GLYATL1: variants seen among roughly 807,000 people sequenced by gnomAD.
GLYATL1 encodes the protein glycine N-acyltransferase-like protein 1.
GLYATL1 carries 15 observed loss-of-function variants against 20.0 expected under a neutral mutation model. The ratio of observed to expected loss-of-function variants is 0.75; its 90% CI spans 0.50 to 1.15. The LOEUF (loss-of-function observed/expected upper bound fraction) is 1.15, where lower values mean the gene tolerates loss of function less well. Among genes scored for constraint, GLYATL1 ranks in the 50% most tolerant of loss-of-function variants. The pLI is 0.00. For synonymous variants in GLYATL1, 151 were observed against 131.5 expected, an observed-to-expected ratio of 1.15 and a Z score of -1.01; for missense variants, 380 against 368.5, an observed-to-expected ratio of 1.03 and a Z score of -0.26.
At chr11:58,907,348 G>T (rs1372069168) in exon 2 of GLYATL1, 2 of 456,112 alleles carry the variant, frequency 4.4e-6, no homozygotes, top group Admixed American at 2.3e-5. Flanking sequence ...CCTTCCTTGC[G>T]ACACTGGCCT....
chr11:58,943,178 C>G, intron 1 of GLYATL1: 1 of 1,264,238 alleles, frequency 7.9e-7, no homozygotes, highest in Non-Finnish European at 1.0e-6. Flanking sequence ...TGTGGGTAAA[C>G]TGTAACGTAG....
At chr11:58,929,995 C>T (rs915222470) in intron 1 of GLYATL1, among the ~76,000 whole-genome samples, 1 of 152,148 alleles carries the variant, frequency 6.6e-6, no homozygotes, top group African/African-American at 2.4e-5. Flanking sequence ...GTCTTGGAAG[C>T]CATTTTGAAT....
intron 1 of GLYATL1, among the ~76,000 whole-genome samples, chr11:58,921,508 T>A (rs1351148726): frequency 6.6e-6 from 1 of 152,176 alleles, no homozygotes; most frequent in East Asian, 1.9e-4. Context: ...CCAGTGGTTT[T>A]TTCATACCGT....
chr11:58,954,654 A>G (rs919792601), intron 4 of GLYATL1, 116 bp from the exon 5 acceptor site: 5 of 891,740 alleles, frequency 5.6e-6, no homozygotes, highest in Middle Eastern at 2.3e-4. Context: ...AACTGCAGCC[A>G]TCATGGGCCA....
intron 2 of GLYATL1, among the ~76,000 whole-genome samples, chr11:58,946,493 T>C (rs1257060033): frequency 6.6e-5 from 10 of 152,238 alleles, no homozygotes; most frequent in Non-Finnish European, 1.3e-4. Context: ...AACAAAAGTT[T>C]ACAGATATGT....
downstream of GLYATL1, among the ~76,000 whole-genome samples, chr11:58,912,918 A>T (rs1438529304): frequency 1.3e-5 from 2 of 152,242 alleles, no homozygotes; most frequent in Non-Finnish European, 2.9e-5. Context: ...ATACAAAGGT[A>T]AGAGAAAGTG....
intron 1 of GLYATL1, among the ~76,000 whole-genome samples, chr11:58,932,266 T>C (rs1465631500): frequency 6.6e-6 from 1 of 152,100 alleles, no homozygotes; most frequent in Non-Finnish European, 1.5e-5. Context: ...CATTAAAATA[T>C]GGATAATACC....
chr11:58,940,954 G>C (rs1188179946), intron 1 of GLYATL1, among the ~76,000 whole-genome samples: 2 of 152,128 alleles, frequency 1.3e-5, no homozygotes, highest in Non-Finnish European at 2.9e-5. Context: ...GTGAAAGAGC[G>C]AGACCCTGTC....
intron 4 of GLYATL1, among the ~76,000 whole-genome samples, chr11:58,952,486 A>G (rs545650854): frequency 3.5e-4 from 54 of 152,260 alleles, no homozygotes; most frequent in Non-Finnish European, 6.5e-4. Context: ...TACTATTAAA[A>G]TCATGTGTTT....
chr11:58,937,959 G>A (rs901216306), upstream of GLYATL1, among the ~76,000 whole-genome samples: 2 of 152,210 alleles, frequency 1.3e-5, no homozygotes, highest in African/African-American at 4.8e-5. Context: ...ATGAGCAAGA[G>A]TTTCAGGGCC....
upstream of GLYATL1, chr11:58,927,500 T>A (rs1323746483): frequency 1.3e-5 from 2 of 152,290 alleles, no homozygotes; most frequent in Non-Finnish European, 2.9e-5. Flanking sequence ...TGGCTGTTCC[T>A]GGCCAGGGTG....
intron 1 of GLYATL1, among the ~76,000 whole-genome samples, chr11:58,920,214 T>C (rs1855275730): frequency 6.6e-6 from 1 of 152,128 alleles, no homozygotes; most frequent in African/African-American, 2.4e-5. Context: ...CCATACAGTG[T>C]CTAAGAGCTG....
At chr11:58,941,856 A>T (rs1427613978) in intron 1 of GLYATL1, among the ~76,000 whole-genome samples, 1 of 152,206 alleles carries the variant, frequency 6.6e-6, no homozygotes, top group Non-Finnish European at 1.5e-5. Flanking sequence ...TTGCTGCAGG[A>T]GTTGCACAAA....
chr11:58,913,662 T>G (rs1449731984), intron 1 of GLYATL1, among the ~76,000 whole-genome samples: 1 of 152,200 alleles, frequency 6.6e-6, no homozygotes, highest in African/African-American at 2.4e-5. Flanking sequence ...TGTGTGTGTG[T>G]GCATGCACAT....
chr11:58,918,868 C>G (rs1047515969), intron 1 of GLYATL1, among the ~76,000 whole-genome samples: 2 of 152,164 alleles, frequency 1.3e-5, no homozygotes, highest in Non-Finnish European at 2.9e-5. Context: ...TTGTGGTCCT[C>G]AGTGACATCT....
In GLYATL1 at chr11:58,955,842, G is replaced by A; in HGVS notation, c.724G>A (p.Gly242Ser). 6.2e-7 allele frequency: 1 copy of A among 1,614,190 alleles called. No homozygotes were observed. Among genetic ancestry groups the A allele is most frequent in the Non-Finnish European group, 8.5e-7 (1 of 1,180,038 alleles). ...AYSMEKYRRT[G>S]NMARVMVRYM... ...CAGCATGGAAAAATACCGAAGGACA[G>A]GCAACATGGCACGAGTGATGGTGCG... The change falls in exon 7 of 7, where the codon GGC becomes AGC. Residue 242 changes from glycine (G) to serine (S), a missense_variant. Gly to Ser is a moderately conservative substitution (Grantham distance 56). Coordinates refer to ENST00000532726, the MANE Select transcript of GLYATL1 (RefSeq NM_001389712.2).
intron 1 of GLYATL1, chr11:58,942,709 T>C (rs1056666476): frequency 1.3e-5 from 2 of 152,180 alleles, no homozygotes; most frequent in Non-Finnish European, 2.9e-5. Flanking sequence ...GCCTTGAGTT[T>C]GGAAAAAATT....
At chr11:58,916,875 A>G (rs981735857) in intron 1 of GLYATL1, 7 of 152,282 alleles carry the variant, frequency 4.6e-5, no homozygotes, top group African/African-American at 1.7e-4. Context: ...GGGGCTCGAG[A>G]GCACTGGTTG....
intron 4 of GLYATL1, among the ~76,000 whole-genome samples, chr11:58,948,223 A>G (rs996829627): frequency 6.6e-6 from 1 of 152,208 alleles, no homozygotes; most frequent in Non-Finnish European, 1.5e-5. Flanking sequence ...TAAGGGCCCT[A>G]TGAGGTGGCA....
Sources: gnomAD v4.1 joint callset for allele counts (sites outside exome capture counted in the v4.1 genomes callset) on GRCh38, gnomAD v4.1.1 for gene constraint, MANE v1.5 for transcripts, NCBI Gene and HGNC (gene_info 2026-07-23, HGNC 2026-07-21) for gene names.